The following CHIC1 variants were observed in gnomAD, a reference collection of about 807,000 sequenced individuals.
CHIC1 encodes cysteine-rich hydrophobic domain-containing protein 1.
A neutral mutation model predicts 18.5 loss-of-function variants in CHIC1; 7 were observed. The observed-to-expected ratio is 0.38, with a 90% CI of 0.22 to 0.71. CHIC1 has a LOEUF of 0.71. Among genes scored for constraint, CHIC1 ranks in the 30% least tolerant of loss-of-function variants. CHIC1 has a pLI of 0.49. For missense variants in CHIC1, 159 were observed against 176.9 expected (o/e 0.90, Z 0.57); for synonymous variants, 77 against 73.5 (o/e 1.05, Z -0.25).
At position 73,632,528 on chromosome X, in the gene CHIC1, C is replaced by T. The variant is rs1022182633; in HGVS notation, c.508-46798C>T. 2.7e-5 allele frequency among the ~76,000 whole-genome samples: 3 copies of T among 110,465 alleles called. 1 individual carries two copies. In the Admixed American group the frequency reaches 2.9e-4, roughly 11 times the overall value. ...TGGTTCGTAGTTTCTTCCTCTTTTG[C>T]TGTCCTCCTTTTCATTTGTTGATTT... On this transcript the variant is annotated intron_variant, in intron 3 of 5. Transcript: ENST00000373502.
intron 3 of CHIC1, among the ~76,000 whole-genome samples, chrX:73,651,359 G>A (rs1312405297): frequency 9.1e-6 from 1 of 110,187 alleles, no homozygotes; most frequent in Non-Finnish European, 1.9e-5. Context: ...TTTCAACATA[G>A]TATTAGAAGT....
intron 3 of CHIC1, among the ~76,000 whole-genome samples, chrX:73,668,151 T>G (rs1195547405): frequency 8.9e-6 from 1 of 112,420 alleles, no homozygotes; most frequent in Non-Finnish European, 1.9e-5. Flanking sequence ...TTTGGTCTAC[T>G]TTGCCATTAA....
chrX:73,660,159 T>C (rs1033360035), intron 3 of CHIC1, among the ~76,000 whole-genome samples: 1 of 112,444 alleles, frequency 8.9e-6, no homozygotes, highest in Non-Finnish European at 1.9e-5. Context: ...TACCTGCAAC[T>C]AAGACTGTTA....
At chrX:73,631,665 A>G (rs1006083066) in intron 3 of CHIC1, among the ~76,000 whole-genome samples, 1 of 111,411 alleles carries the variant, frequency 9.0e-6, no homozygotes, top group Non-Finnish European at 1.9e-5. Context: ...TTTTTAATGT[A>G]AGCATTTATC....
chrX:73,679,416 A>T, intron 4 of CHIC1, 34 bp downstream of exon 4: 2 of 933,885 alleles, frequency 2.1e-6, no homozygotes, highest in South Asian at 2.2e-5. Flanking sequence ...TGCCCCATTC[A>T]TATATTTGCA....
intron 3 of CHIC1, among the ~76,000 whole-genome samples, chrX:73,594,387 C>T (rs971159608): frequency 9.0e-6 from 1 of 111,222 alleles, no homozygotes; most frequent in African/African-American, 3.3e-5. Context: ...CCAGGCTGGT[C>T]TTGAACTCCT....
intron 3 of CHIC1, among the ~76,000 whole-genome samples, chrX:73,619,810 G>A (rs1412972188): frequency 9.0e-6 from 1 of 110,523 alleles, no homozygotes. Flanking sequence ...TACACCCATC[G>A]ACCTGTAATC....
Position 73,682,936 on chromosome X carries a change from G to A in CHIC1, c.*1931G>A, listed in dbSNP as rs1193116183. The A allele has an allele frequency of 1.8e-5, 2 of 111,269 alleles. No individual in the cohort carries two copies. The highest frequency in any genetic ancestry group is 6.5e-5 in the African/African-American group (2 of 30,712). 9.2% of individuals were successfully genotyped at this position (111,269 alleles called of 1,213,427 possible). On this transcript the variant is annotated 3_prime_UTR_variant, in exon 6 of 6. Coordinates refer to ENST00000373502, the MANE Select transcript of CHIC1 (RefSeq NM_001039840.4). The stretch of plus-strand genomic sequence containing the variant: ...ACTGTGATATTTTAATACCAAAATC[G>A]ATTTTCAGCATAATACAAAATATCT...
At chrX:73,673,290 C>T (rs1018179859) in intron 3 of CHIC1, among the ~76,000 whole-genome samples, 1 of 111,718 alleles carries the variant, frequency 9.0e-6, no homozygotes, top group South Asian at 3.8e-4. Flanking sequence ...TGAAGAAAGT[C>T]CTTGGTAACT....
At chrX:73,643,328 A>G (rs375128485) in intron 3 of CHIC1, among the ~76,000 whole-genome samples, 76 of 108,082 alleles carry the variant, frequency 7.0e-4, no homozygotes, top group African/African-American at 2.5e-3. Context: ...ACTTTGGTGA[A>G]TCTGACAATT....
intron 3 of CHIC1, among the ~76,000 whole-genome samples, chrX:73,675,054 T>A (rs1194948338): frequency 4.5e-5 from 5 of 111,009 alleles, no homozygotes; most frequent in African/African-American, 3.3e-5. Context: ...TTTGAGTGAG[T>A]TTCTTAATCC....
At chrX:73,676,521 C>A (rs1048691479) in intron 3 of CHIC1, among the ~76,000 whole-genome samples, 7 of 111,997 alleles carry the variant, frequency 6.3e-5, no homozygotes, top group African/African-American at 2.3e-4. Flanking sequence ...CAGTTGATCT[C>A]ATCGGCTAGT....
rs186431206 is a variant in CHIC1 at position 73,622,892 on chromosome X, G to T, written c.507+38320G>T. Among the ~76,000 whole-genome samples, 979 of 111,868 alleles carry T rather than the reference G, an allele frequency of 8.8e-3. 5 individuals are homozygous for T. The highest frequency in any genetic ancestry group is 0.015 in the Non-Finnish European group (790 of 53,128). On this transcript the variant is annotated intron_variant, in intron 3 of 5. Transcript: ENST00000373502. Reference sequence around the variant, plus strand: ...AGAGATTCTGGTATGTTGTGTCTTTGTTGTCATTGGTTTCAAAGAACTTAC... The same window carrying T: ...AGAGATTCTGGTATGTTGTGTCTTTTTTGTCATTGGTTTCAAAGAACTTAC...
intron 3 of CHIC1, among the ~76,000 whole-genome samples, chrX:73,656,223 G>A (rs2057948279): frequency 9.0e-6 from 1 of 111,533 alleles, no homozygotes; most frequent in Non-Finnish European, 1.9e-5. Context: ...TGGATGGATT[G>A]CAAAAATTTT....
intron 3 of CHIC1, among the ~76,000 whole-genome samples, chrX:73,616,233 C>G (rs1702358015): frequency 9.0e-6 from 1 of 111,252 alleles, no homozygotes; most frequent in African/African-American, 3.3e-5. Context: ...CTTTGTTAGC[C>G]TTAGGACCCA....
chrX:73,606,438 A>T (rs1466783098), intron 3 of CHIC1, among the ~76,000 whole-genome samples: 1 of 106,666 alleles, frequency 9.4e-6, no homozygotes, highest in Non-Finnish European at 1.9e-5. Flanking sequence ...ATGCTCCTTT[A>T]GCTCAGCGGA....
chrX:73,581,537 T>C (rs1021955327), intron 2 of CHIC1, among the ~76,000 whole-genome samples: 4 of 111,087 alleles, frequency 3.6e-5, no homozygotes, highest in Non-Finnish European at 7.6e-5. Context: ...TTCTCACTTC[T>C]TATGTCTTTA....
chrX:73,608,258 T>A (rs182292265), intron 3 of CHIC1, among the ~76,000 whole-genome samples: 1 of 109,487 alleles, frequency 9.1e-6, no homozygotes, highest in Admixed American at 9.5e-5. Flanking sequence ...CATTTGTTTA[T>A]ATGTCTGTCT....
intron 3 of CHIC1, among the ~76,000 whole-genome samples, chrX:73,656,080 ATGTT>A (rs955748101): frequency 1.8e-5 from 2 of 110,477 alleles, no homozygotes; most frequent in East Asian, 2.9e-4. Context: ...AGCATTTTTT[ATGTT>A]TGTTAGGCAT....
Sources: gnomAD v4.1 joint callset for allele counts (sites outside exome capture counted in the v4.1 genomes callset) on GRCh38, gnomAD v4.1.1 for gene constraint, MANE v1.5 for transcripts, NCBI Gene and HGNC (gene_info 2026-07-23, HGNC 2026-07-21) for gene names.